Variants in DOCK3 observed in about 807,000 individuals in gnomAD.
DOCK3 encodes dedicator of cytokinesis 3.
DOCK3 carries 60 observed loss-of-function variants against 265.6 expected under a neutral mutation model. The observed-to-expected ratio is 0.23, with a 90% CI of 0.18 to 0.28. The LOEUF (loss-of-function observed/expected upper bound fraction) is 0.28, where lower values mean the gene tolerates loss of function less well. Ranked by LOEUF, DOCK3 falls within the 10% of genes least tolerant of loss-of-function variation. The probability of loss-of-function intolerance (pLI) is 1.00; values close to 1 mark genes in which losing one functional copy is unlikely to be tolerated. For synonymous variants in DOCK3, 881 were observed against 938.0 expected (o/e 0.94, Z 1.11); for missense variants, 1,981 against 2,594.3 (o/e 0.76, Z 5.14).
At chr3:50,689,761 G>A (rs2035080473) in intron 1 of DOCK3, among the ~76,000 whole-genome samples, 1 of 152,216 alleles carries the variant, frequency 6.6e-6, no homozygotes, top group Non-Finnish European at 1.5e-5. Flanking sequence ...AATGTGAGCA[G>A]TGGGGAGTGG....
intron 2 of DOCK3, among the ~76,000 whole-genome samples, chr3:50,839,872 A>C (rs1455350275): frequency 6.7e-6 from 1 of 149,950 alleles, no homozygotes; most frequent in African/African-American, 2.5e-5. Context: ...GGGTTCAAGC[A>C]ATTCTCCTGC....
intron 3 of DOCK3, among the ~76,000 whole-genome samples, chr3:50,889,625 AT>A (rs925307784): frequency 2.0e-5 from 3 of 152,036 alleles, no homozygotes; most frequent in Admixed American, 2.0e-4. Flanking sequence ...GAGTCTGAGA[AT>A]TGTTTTTCTA....
At chr3:50,763,819 T>G (rs113769193) in intron 1 of DOCK3, among the ~76,000 whole-genome samples, 100 of 152,330 alleles carry the variant, frequency 6.6e-4, no homozygotes, top group African/African-American at 2.4e-3. Flanking sequence ...CTATTGATAT[T>G]TTCAAAGAAC....
At chr3:51,338,129 G>C (rs1246219940) in intron 35 of DOCK3, among the ~76,000 whole-genome samples, 1 of 152,162 alleles carries the variant, frequency 6.6e-6, no homozygotes, top group African/African-American at 2.4e-5. Flanking sequence ...CTCTCTCTGT[G>C]CTCTGCCACC....
intron 8 of DOCK3, among the ~76,000 whole-genome samples, chr3:51,089,528 G>A (rs1442273355): frequency 2.0e-5 from 3 of 152,178 alleles, no homozygotes; most frequent in African/African-American, 7.2e-5. Context: ...AAATAAAAAT[G>A]TTATTTAGAA....
intron 7 of DOCK3, among the ~76,000 whole-genome samples, chr3:51,085,436 A>G (rs1219251410): frequency 6.6e-6 from 1 of 152,240 alleles, no homozygotes; most frequent in African/African-American, 2.4e-5. Flanking sequence ...ACAAGTCTCA[A>G]CAAATTTTGA....
chr3:50,877,248 C>T (rs948220573), intron 3 of DOCK3: 1 of 343,696 alleles, frequency 2.9e-6, no homozygotes, highest in Non-Finnish European at 5.7e-6. Flanking sequence ...GCCTTCTTAA[C>T]CCTTTTTATT....
At position 51,228,552 on chromosome 3, in the gene DOCK3, G is replaced by T. The variant is rs967431109; in HGVS notation, c.1648-109G>T. 2.4e-6 allele frequency: 3 copies of T among 1,268,894 alleles called. No individual in the cohort carries two copies. The African/African-American group carries it at 4.5e-5, about 19-fold the overall frequency. 78.6% of individuals were successfully genotyped at this position (1,268,894 alleles called of 1,614,324 possible). On this transcript the variant is annotated intron_variant, in intron 17 of 52. Transcript: ENST00000266037. ...CTTCCAAGAGGACCTGAGGCCCAACGTTCAGCCTTAGGAAGATGAGAGCAA... is the reference window on the plus strand; with the variant it reads ...CTTCCAAGAGGACCTGAGGCCCAACTTTCAGCCTTAGGAAGATGAGAGCAA...
intron 5 of DOCK3, among the ~76,000 whole-genome samples, chr3:51,010,376 T>C (rs1305981873): frequency 2.0e-5 from 3 of 152,108 alleles, no homozygotes; most frequent in Admixed American, 2.0e-4. Context: ...TATATAATAG[T>C]CTTCTTTGTC....
chr3:50,935,315 C>T (rs1181988379), intron 5 of DOCK3, among the ~76,000 whole-genome samples: 1 of 152,202 alleles, frequency 6.6e-6, no homozygotes, highest in East Asian at 1.9e-4. Flanking sequence ...TTTATACATA[C>T]ATCCTCCCCC....
intron 5 of DOCK3, among the ~76,000 whole-genome samples, chr3:51,014,149 A>G (rs2079060848): frequency 6.6e-6 from 1 of 152,114 alleles, no homozygotes; most frequent in South Asian, 2.1e-4. Context: ...ACCCTGCTTC[A>G]GCTCGCCCTC....
At chr3:50,706,151 A>G (rs1353713100) in intron 1 of DOCK3, among the ~76,000 whole-genome samples, 3 of 151,974 alleles carry the variant, frequency 2.0e-5, no homozygotes, top group Non-Finnish European at 4.4e-5. Flanking sequence ...AGGCCTCCCC[A>G]TCCATATGGA....
At chr3:51,212,060 T>G (rs2089536837) in intron 13 of DOCK3, among the ~76,000 whole-genome samples, 1 of 152,208 alleles carries the variant, frequency 6.6e-6, no homozygotes, top group Non-Finnish European at 1.5e-5. Context: ...TGTGCTTCAG[T>G]CACCCAGGGT....
chr3:50,982,077 G>T (rs2077714956), intron 5 of DOCK3, among the ~76,000 whole-genome samples: 1 of 152,090 alleles, frequency 6.6e-6, no homozygotes, highest in African/African-American at 2.4e-5. Context: ...TTGAACTCTT[G>T]ACCTCAGGTG....
At chr3:51,202,803 C>A (rs1301990975) in intron 12 of DOCK3, among the ~76,000 whole-genome samples, 1 of 151,396 alleles carries the variant, frequency 6.6e-6, no homozygotes, top group Non-Finnish European at 1.5e-5. Context: ...AGCAGCACAT[C>A]AAAAAGCTTA....
At chr3:51,296,120 A>C (rs926575704) in intron 27 of DOCK3, among the ~76,000 whole-genome samples, 4 of 152,254 alleles carry the variant, frequency 2.6e-5, no homozygotes, top group Non-Finnish European at 4.4e-5. Context: ...AGTTACAAAC[A>C]AGTTCAAGAT....
intron 21 of DOCK3, among the ~76,000 whole-genome samples, chr3:51,240,853 A>G (rs1191058504): frequency 2.6e-5 from 4 of 152,166 alleles, no homozygotes; most frequent in Non-Finnish European, 4.4e-5. Context: ...CTTTGAAGAC[A>G]GCTTATGAAT....
In DOCK3 at chr3:51,090,775, G is replaced by A. The variant is rs535716406; in HGVS notation, c.746+391G>A. Among the ~76,000 whole-genome samples, 6 of 152,294 alleles carry A rather than the reference G, an allele frequency of 3.9e-5. No homozygotes were observed. The East Asian group carries it at 9.6e-4, about 24-fold the overall frequency. On this transcript the variant is annotated intron_variant, in intron 9 of 52. Transcript: ENST00000266037. ...CTTGGCTTGCTGCATGTGGAAGAGA[G>A]GGTTTGAAGAAAAAGGGGGCTGATG...
Position 51,351,529 on chromosome 3 carries a change from T to C in DOCK3, c.4107+1137T>C, listed in dbSNP as rs1202107193. On this transcript the variant is annotated intron_variant, in intron 40 of 52. Transcript: ENST00000266037. Reference sequence around the variant, plus strand: ...TTCTAGGCTAGAAGGAAAAACGATCTGTGTGAGCACTGGCAATATGACAGG... The same window carrying C: ...TTCTAGGCTAGAAGGAAAAACGATCCGTGTGAGCACTGGCAATATGACAGG... Among the ~76,000 whole-genome samples the C allele has an allele frequency of 3.3e-5, 5 of 152,206 alleles. No homozygotes were observed. The East Asian group carries it at 5.8e-4, about 18-fold the overall frequency.
Sources: allele counts gnomAD v4.1 joint callset (sites outside exome capture counted in the v4.1 genomes callset), GRCh38; gene constraint gnomAD v4.1.1; transcripts MANE v1.5; gene names NCBI Gene and HGNC (gene_info 2026-07-23, HGNC 2026-07-21).